Variants in ZNF804B observed in about 807,000 individuals in gnomAD.
ZNF804B encodes zinc finger protein 804B, also known as zinc finger 804B.
ZNF804B carries 80 observed loss-of-function variants against 101.4 expected under a neutral mutation model. The ratio of observed to expected loss-of-function variants is 0.79; its 90% CI spans 0.66 to 0.95. The LOEUF (loss-of-function observed/expected upper bound fraction) is 0.95, where lower values mean the gene tolerates loss of function less well. ZNF804B is among the 40% of genes least tolerant of loss of function. The pLI is 0.00. For missense variants in ZNF804B, 1,673 were observed against 1,561.9 expected, an observed-to-expected ratio of 1.07 and a Z score of -1.20; for synonymous variants, 622 against 558.8, an observed-to-expected ratio of 1.11 and a Z score of -1.59.
chr7:89,024,677 A>G (rs896549190), intron 1 of ZNF804B, among the ~76,000 whole-genome samples: 22 of 150,996 alleles, frequency 1.5e-4, no homozygotes, highest in African/African-American at 4.6e-4. Flanking sequence ...AAAAAAAAAA[A>G]AAAGATGTGA....
At chr7:89,176,591 C>CTTTTTTTCTTTTTTTT (rs1791325717) in intron 1 of ZNF804B, among the ~76,000 whole-genome samples, 2 of 71,942 alleles carry the variant, frequency 2.8e-5, no homozygotes, top group Non-Finnish European at 5.4e-5. Flanking sequence ...TTCTTTCTTT[C>CTTTTTTTCTTTTTTTT]TTTTTTTTTT....
chr7:88,819,765 T>C (rs1421228293), intron 1 of ZNF804B, among the ~76,000 whole-genome samples: 1 of 152,152 alleles, frequency 6.6e-6, no homozygotes, highest in Non-Finnish European at 1.5e-5. Context: ...CATTTAACAG[T>C]TTCATTGTTT....
intron 2 of ZNF804B, among the ~76,000 whole-genome samples, chr7:89,308,897 T>G (rs1790607976): frequency 6.6e-6 from 1 of 152,224 alleles, no homozygotes. Context: ...CCCATGGGTC[T>G]TAGTTTGCTG....
chr7:89,074,290 A>G (rs748877345), intron 1 of ZNF804B, among the ~76,000 whole-genome samples: 6 of 152,208 alleles, frequency 3.9e-5, no homozygotes, highest in South Asian at 4.1e-4. Context: ...GAAAAAATCA[A>G]TAATATAGTT....
At chr7:88,983,489 A>G (rs1273095332) in intron 1 of ZNF804B, among the ~76,000 whole-genome samples, 1 of 152,030 alleles carries the variant, frequency 6.6e-6, no homozygotes, top group Non-Finnish European at 1.5e-5. Context: ...TGAAACCACC[A>G]TGTGTAGATA....
intron 1 of ZNF804B, among the ~76,000 whole-genome samples, chr7:89,087,535 T>A (rs529300778): frequency 6.6e-6 from 1 of 151,998 alleles, no homozygotes; most frequent in African/African-American, 2.4e-5. Flanking sequence ...TGCAAGTGCT[T>A]TGCAAATTTA....
chr7:89,106,938 A>T (rs77866492), intron 1 of ZNF804B, among the ~76,000 whole-genome samples: 1 of 152,114 alleles, frequency 6.6e-6, no homozygotes, highest in Admixed American at 6.6e-5. Flanking sequence ...AGCTGTAAGG[A>T]TTTGACAGCT....
intron 1 of ZNF804B, among the ~76,000 whole-genome samples, chr7:89,038,590 A>G (rs1323777076): frequency 6.6e-6 from 1 of 152,014 alleles, no homozygotes; most frequent in Non-Finnish European, 1.5e-5. Context: ...ATGGTTTGCA[A>G]ATATTTTTGC....
At chr7:88,994,564 A>G (rs1479445399) in intron 1 of ZNF804B, among the ~76,000 whole-genome samples, 3 of 152,090 alleles carry the variant, frequency 2.0e-5, no homozygotes, top group Non-Finnish European at 2.9e-5. Context: ...AATTGCTTCA[A>G]CAAAGATAAT....
At chr7:88,822,185 C>T (rs960825902) in intron 1 of ZNF804B, among the ~76,000 whole-genome samples, 1 of 152,112 alleles carries the variant, frequency 6.6e-6, no homozygotes, top group Non-Finnish European at 1.5e-5. Flanking sequence ...TAGGAAAGAT[C>T]TTTTACTAGT....
chr7:88,767,659 C>G (rs2718313), intron 1 of ZNF804B, among the ~76,000 whole-genome samples: 62,669 of 152,060 alleles, frequency 0.41, 15,335 homozygotes, highest in African/African-American at 0.68. Context: ...GGCCATATTA[C>G]TTGCATTCAC....
chr7:89,141,071 A>T (rs939573852), intron 1 of ZNF804B, among the ~76,000 whole-genome samples: 8 of 151,948 alleles, frequency 5.3e-5, no homozygotes, highest in African/African-American at 1.9e-4. Context: ...AAAGGAGAGG[A>T]GGGGAGATGG....
At chr7:89,225,330 T>C (rs1224891917) in intron 2 of ZNF804B, among the ~76,000 whole-genome samples, 3 of 152,102 alleles carry the variant, frequency 2.0e-5, no homozygotes, top group African/African-American at 7.2e-5. Flanking sequence ...TGTGTTTTGT[T>C]TGGTTTTTTG....
At chr7:89,302,330 A>G (rs1257003871) in intron 2 of ZNF804B, among the ~76,000 whole-genome samples, 1 of 151,894 alleles carries the variant, frequency 6.6e-6, no homozygotes, top group Non-Finnish European at 1.5e-5. Context: ...GCTCTCTCCA[A>G]CCCTGTCACA....
intron 1 of ZNF804B, among the ~76,000 whole-genome samples, chr7:88,969,108 A>G (rs1256294858): frequency 1.3e-5 from 2 of 151,584 alleles, no homozygotes; most frequent in East Asian, 3.9e-4. Flanking sequence ...CAGATCAAAT[A>G]ACCTATAACC....
In ZNF804B at chr7:89,336,239, C is replaced by T. The variant is rs141579525; in HGVS notation, c.3257C>T (p.Thr1086Ile). ...AFPSNKYTGV[T>I]DSTETQEDQI... ...CCGTCTAATAAATATACTGGTGTGACTGATTCAACAGAGACCCAAGAAGAC... is the reference window on the plus strand; with the variant it reads ...CCGTCTAATAAATATACTGGTGTGATTGATTCAACAGAGACCCAAGAAGAC... The change falls in exon 4 of 4, where the codon ACT (threonine) becomes ATT (isoleucine). Residue 1086 changes from threonine (T) to isoleucine (I), a missense_variant. Physicochemically the swap from Thr to Ile is moderately conservative, Grantham distance 89. Transcript: ENST00000333190. 6,105 of 1,613,798 alleles carry T rather than the reference C, an allele frequency of 3.8e-3. 29 individuals are homozygous for T. Among genetic ancestry groups the T allele is most frequent in the Non-Finnish European group, 4.5e-3 (5,297 of 1,179,950 alleles).
At chr7:89,084,427 ACT>A (rs1789741892) in intron 1 of ZNF804B, among the ~76,000 whole-genome samples, 1 of 151,874 alleles carries the variant, frequency 6.6e-6, no homozygotes, top group South Asian at 2.1e-4. Flanking sequence ...ACAGAAAATA[ACT>A]CTCACCCCAG....
At chr7:89,011,124 GGGAGAATGAGT>G (rs6150213) in intron 1 of ZNF804B, among the ~76,000 whole-genome samples, 125,062 of 151,692 alleles carry the variant, frequency 0.82, 52,019 homozygotes, top group African/African-American at 0.94. Flanking sequence ...GGTGGCAGGA[GGGAGAATGAGT>G]GGAGAATGAG....
chr7:89,061,325 T>G (rs1377833396), intron 1 of ZNF804B, among the ~76,000 whole-genome samples: 1 of 152,114 alleles, frequency 6.6e-6, no homozygotes, highest in Non-Finnish European at 1.5e-5. Context: ...TTTTGGGACT[T>G]CAGCATTTGG....
Sources: gnomAD v4.1 joint callset for allele counts (sites outside exome capture counted in the v4.1 genomes callset) on GRCh38, gnomAD v4.1.1 for gene constraint, MANE v1.5 for transcripts, NCBI Gene and HGNC (gene_info 2026-07-23, HGNC 2026-07-21) for gene names.